The following NCAPD3 variants were observed in gnomAD, a reference collection of about 807,000 sequenced individuals.
NCAPD3 encodes the protein non-SMC condensin II complex subunit D3.
In NCAPD3, 105 loss-of-function variants were observed where a neutral mutation model predicts 182.9. The observed-to-expected ratio is 0.57, with a 90% CI of 0.49 to 0.68. NCAPD3 has a LOEUF of 0.68. Ranked by LOEUF, NCAPD3 falls within the 30% of genes least tolerant of loss-of-function variation. The pLI, the probability that NCAPD3 is intolerant of heterozygous loss-of-function variation, is 0.00. For missense variants in NCAPD3, 1,944 were observed against 1,837.0 expected (o/e 1.06, Z -1.07); for synonymous variants, 815 against 679.9 (o/e 1.20, Z -3.09).
chr11:134,190,748 A>G (rs985768116), intron 16 of NCAPD3, among the ~76,000 whole-genome samples: 1 of 152,166 alleles, frequency 6.6e-6, no homozygotes, highest in East Asian at 1.9e-4. Flanking sequence ...GAGTGCTGGG[A>G]ATATAGCCTG....
rs1260498208 is a variant in NCAPD3, at chr11:134,204,382, A to G, written c.1090-211T>C. Among the ~76,000 whole-genome samples the G allele has an allele frequency of 6.6e-6, 1 of 152,224 alleles. No individual in the cohort carries two copies. Among genetic ancestry groups the G allele is most frequent in the East Asian group, 1.9e-4 (1 of 5,204 alleles). On this transcript the variant is annotated intron_variant, in intron 9 of 34. Transcript: ENST00000534548. The surrounding 1 kb of genome is among the most constrained non-coding windows in gnomAD (Gnocchi z 4.3). ...CATCTCTCCAGAAAAATGCACATACAAATTTAGTATACAATTTCAGAGAGT... is the reference window on the plus strand; with the variant it reads ...CATCTCTCCAGAAAAATGCACATACGAATTTAGTATACAATTTCAGAGAGT...
chr11:134,159,571 G>A (rs1033671398), intron 29 of NCAPD3, among the ~76,000 whole-genome samples: 8 of 152,176 alleles, frequency 5.3e-5, no homozygotes, highest in South Asian at 2.1e-4. Context: ...GCCGTGTGCC[G>A]GTCTGCTCTA....
chr11:134,151,754 A>G lies in NCAPD3; in HGVS notation c.*1190T>C, dbSNP rs1256768803. On this transcript the variant is annotated 3_prime_UTR_variant, in exon 35 of 35. Coordinates refer to ENST00000534548, the MANE Select transcript of NCAPD3 (RefSeq NM_015261.3). The stretch of plus-strand genomic sequence containing the variant: ...TTATAAAAGCTTCAAAAAAACCCAA[A>G]CATTGCTTCATTCTTTGTTATTTGC... The G allele has an allele frequency of 2.0e-5, 3 of 152,136 alleles. No homozygotes were observed. Among genetic ancestry groups the G allele is most frequent in the African/African-American group, 7.2e-5 (3 of 41,418 alleles). The allele number at this position is 152,136 out of a possible 1,614,324, so 9.4% of individuals were successfully genotyped here.
chr11:134,171,961 T>C (rs1345138033), intron 24 of NCAPD3, among the ~76,000 whole-genome samples: 3 of 152,136 alleles, frequency 2.0e-5, no homozygotes, highest in African/African-American at 7.2e-5. Flanking sequence ...TCTGCTTGGT[T>C]TCGTGTTCCT....
At chr11:134,196,489 C>CA (rs1944630779) in intron 13 of NCAPD3, among the ~76,000 whole-genome samples, 1 of 151,420 alleles carries the variant, frequency 6.6e-6, no homozygotes, top group East Asian at 1.9e-4. Flanking sequence ...ACAAAAAATA[C>CA]AAAAAAATTT....
chr11:134,208,015 T>C (rs1937680477), intron 7 of NCAPD3, among the ~76,000 whole-genome samples: 1 of 152,164 alleles, frequency 6.6e-6, no homozygotes, highest in African/African-American at 2.4e-5. Context: ...ATAAAGAAGG[T>C]AGACTTTGGT....
intron 23 of NCAPD3, 111 bp downstream of exon 23, chr11:134,177,108 T>G: frequency 1.2e-6 from 1 of 821,616 alleles, no homozygotes; most frequent in Non-Finnish European, 2.0e-6. Context: ...GATGAGACAA[T>G]TATTTTTGGA....
chr11:134,154,261 T>C (rs1285106028), intron 32 of NCAPD3, among the ~76,000 whole-genome samples: 3 of 152,264 alleles, frequency 2.0e-5, no homozygotes, highest in East Asian at 3.9e-4. Context: ...ACTGGAGTTA[T>C]GTTTCATCAA....
intron 7 of NCAPD3, among the ~76,000 whole-genome samples, chr11:134,207,107 G>C (rs891482798): frequency 6.6e-6 from 1 of 152,114 alleles, no homozygotes; most frequent in South Asian, 2.1e-4. Context: ...CTTTACACCT[G>C]CTTTTTGCCT....
intron 32 of NCAPD3, among the ~76,000 whole-genome samples, chr11:134,154,439 TCCTC>T (rs201674326): frequency 0.022 from 3,223 of 148,952 alleles, 58 homozygotes; most frequent in Non-Finnish European, 0.033. Flanking sequence ...TGCGTCCTCT[TCCTC>T]AGCAGGCCCT....
chr11:134,166,772 T>C (rs1179009952), intron 27 of NCAPD3, among the ~76,000 whole-genome samples: 1 of 106,164 alleles, frequency 9.4e-6, no homozygotes. Context: ...TGAGATGAGC[T>C]TGGGGGAGGC....
Position 134,158,035 on chromosome 11 carries a change from T to C in NCAPD3, c.4067A>G (p.Asn1356Ser). 1.2e-6 allele frequency: 2 copies of C among 1,614,148 alleles called. No homozygotes were observed. Among genetic ancestry groups the C allele is most frequent in the Non-Finnish European group, 1.7e-6 (2 of 1,180,024 alleles). ...TGACTCCACGGCTTTCTTGACAGAA[T>C]TCAGGATTGCAATGGTGCTCAGGGA... ...PMSLSTIAIL[N>S]SVKKAVESKS... Residue 1356 changes from asparagine to serine, a missense_variant, in exon 31 of 35, where the codon AAT (asparagine) becomes AGT (serine). By Grantham distance (46) the Asn-to-Ser change is conservative. Around this residue, in one of 3 missense-constraint regions of NCAPD3, gnomAD observed 1,803 missense variants for 1,674.6 expected, o/e 1.08. Coordinates refer to ENST00000534548, the MANE Select transcript of NCAPD3 (RefSeq NM_015261.3).
intron 31 of NCAPD3, 126 bp from the exon 32 acceptor site, chr11:134,157,221 T>C (rs188239409): frequency 6.3e-5 from 40 of 634,336 alleles, no homozygotes; most frequent in East Asian, 8.8e-5. Flanking sequence ...AATTTTCTTA[T>C]AAAGAGGCAA....
chr11:134,185,248 G>C, intron 17 of NCAPD3, 87 bp downstream of exon 17: 3 of 1,197,756 alleles, frequency 2.5e-6, no homozygotes, highest in Non-Finnish European at 3.5e-6. Flanking sequence ...TATATGAATA[G>C]CTATGAAAAA....
At chr11:134,153,441 T>C in intron 32 of NCAPD3, 78 bp from the exon 33 acceptor site, 6 of 1,430,470 alleles carry the variant, frequency 4.2e-6, no homozygotes, top group African/African-American at 1.4e-5. Flanking sequence ...CCGTGGGACG[T>C]AGGCAGGGTG....
In NCAPD3 at chr11:134,184,810, TACACACACACAC is replaced by T. The variant is rs60568256; in HGVS notation, c.2336-70_2336-59del. 1.3e-3 allele frequency: 1,322 copies of T among 1,009,232 alleles called. 10 individuals carry two copies. Among genetic ancestry groups the T allele is most frequent in the African/African-American group, 0.012 (753 of 63,338 alleles). 62.5% of individuals were successfully genotyped at this position (1,009,232 alleles called of 1,614,324 possible). Reference sequence around the variant, plus strand: ...CTGCTTAAATATATTCAGGTATATATACACACACACACACACACACACACACACACACACACA... The same window carrying T: ...CTGCTTAAATATATTCAGGTATATATACACACACACACACACACACACACA... On this transcript the variant is annotated intron_variant, in intron 18 of 34. Coordinates refer to ENST00000534548, the MANE Select transcript of NCAPD3 (RefSeq NM_015261.3).
At position 134,168,245 on chromosome 11, in the gene NCAPD3, C is replaced by A. The variant is rs771916206; in HGVS notation, c.3374-50G>T. 5.8e-6 allele frequency: 9 copies of A among 1,560,298 alleles called. No homozygotes were observed. The East Asian group carries it at 2.0e-4, about 35-fold the overall frequency. On this transcript the variant is annotated intron_variant, in intron 26 of 34. Coordinates refer to ENST00000534548, the MANE Select transcript of NCAPD3 (RefSeq NM_015261.3). ...CGTGAGCTTCTGAGAAATGCTCTGG[C>A]CCAGAGAGGAGGTGTAATTCCCACA... is the stretch of plus-strand genomic sequence containing the variant.
chr11:134,160,206 AAGTT>A, intron 28 of NCAPD3, 132 bp from the exon 29 acceptor site: 1 of 865,720 alleles, frequency 1.2e-6, no homozygotes, highest in South Asian at 1.9e-5. Context: ...CGCAAAATAA[AAGTT>A]AAGAAAGAAA....
In NCAPD3 at chr11:134,195,391, G is replaced by A. The variant is rs574749940; in HGVS notation, c.1616-653C>T. ...TGAAATTATAGGAGTGAGCTACCAC[G>A]CCCAGCCTTGAGGCTTCTTTATATT... is the stretch of plus-strand genomic sequence containing the variant. On this transcript the variant is annotated intron_variant, in intron 13 of 34. Coordinates refer to ENST00000534548, the MANE Select transcript of NCAPD3 (RefSeq NM_015261.3). Among the ~76,000 whole-genome samples the A allele has an allele frequency of 1.1e-4, 17 of 152,172 alleles. No homozygotes were observed. The East Asian group carries it at 2.1e-3, about 19-fold the overall frequency.
Sources: allele counts gnomAD v4.1 joint callset (sites outside exome capture counted in the v4.1 genomes callset), GRCh38; gene constraint gnomAD v4.1.1; regional missense constraint gnomAD v4.1.1; non-coding constraint Gnocchi (gnomAD v3.1); transcripts MANE v1.5; gene names NCBI Gene and HGNC (gene_info 2026-07-23, HGNC 2026-07-21).